CUX1: variants seen among roughly 807,000 people sequenced by gnomAD.
CUX1 encodes protein CASP.
A neutral mutation model predicts 158.8 loss-of-function variants in CUX1; 31 were observed. That is an observed-to-expected ratio of 0.20 (90% CI 0.15 to 0.26). CUX1 has a LOEUF of 0.26. Among genes scored for constraint, CUX1 ranks in the 10% least tolerant of loss-of-function variants. CUX1 has a pLI of 1.00. For synonymous variants in CUX1, 879 were observed against 862.1 expected, an observed-to-expected ratio of 1.02 and a Z score of -0.34; for missense variants, 1,589 against 2,014.6, an observed-to-expected ratio of 0.79 and a Z score of 4.04.
In CUX1 at chr7:102,104,618, G is replaced by A. The variant is rs188588495; in HGVS notation, c.530+159G>A. The stretch of plus-strand genomic sequence containing the variant: ...TTCAAAAATGATATTCTGGCTGGGT[G>A]TGGTGGCTCACGCCTGTAATCTCAG... On this transcript the variant is annotated intron_variant, in intron 6 of 23. Transcript: ENST00000292535. 4.8e-3 allele frequency among the ~76,000 whole-genome samples: 726 copies of A among 152,280 alleles called. 6 individuals carry two copies. Among genetic ancestry groups the A allele is most frequent in the African/African-American group, 0.017 (695 of 41,560 alleles).
intron 12 of CUX1, among the ~76,000 whole-genome samples, chr7:102,191,536 G>GT (rs1794275850): frequency 6.6e-6 from 1 of 151,990 alleles, no homozygotes; most frequent in South Asian, 2.1e-4. Flanking sequence ...ACATTACCTG[G>GT]TTAACCTTCT....
intron 2 of CUX1, among the ~76,000 whole-genome samples, chr7:101,917,253 C>T (rs904348837): frequency 6.6e-6 from 1 of 152,230 alleles, no homozygotes; most frequent in Non-Finnish European, 1.5e-5. Context: ...TAAAAGCGGA[C>T]TCATTTAAAA....
chr7:101,914,436 T>C (rs1448637092), intron 1 of CUX1, among the ~76,000 whole-genome samples: 1 of 120,764 alleles, frequency 8.3e-6, no homozygotes, highest in African/African-American at 3.2e-5. Flanking sequence ...CCCTCCGTCC[T>C]TCCCTCCCTC....
At chr7:102,178,133 C>G (rs2052909734) in intron 10 of CUX1, among the ~76,000 whole-genome samples, 1 of 152,206 alleles carries the variant, frequency 6.6e-6, no homozygotes, top group African/African-American at 2.4e-5. Context: ...ACCTCCTGAC[C>G]TAAGGTCATC....
intron 8 of CUX1, among the ~76,000 whole-genome samples, chr7:102,143,961 T>C (rs752703394): frequency 8.7e-4 from 133 of 152,150 alleles, no homozygotes; most frequent in Non-Finnish European, 1.3e-3. Flanking sequence ...TTTGTATTTT[T>C]AGTAGAGACG....
chr7:102,275,679 C>T (rs2132816928), intron 17 of CUX1, among the ~76,000 whole-genome samples: 1 of 152,172 alleles, frequency 6.6e-6, no homozygotes, highest in Middle Eastern at 3.4e-3. Context: ...GGGAGGGGCA[C>T]CAAGGAAGGA....
Position 102,239,401 on chromosome 7 carries a change from G to T in CUX1, c.3704G>T (p.Gly1235Val), listed in dbSNP as rs782238222. The change falls in exon 23 of 24, where the codon GGC (glycine) becomes GTC (valine). Residue 1235 changes from glycine to valine, a missense_variant. Gly to Val is a moderately radical substitution (Grantham distance 109). Coordinates refer to ENST00000292535, the MANE Select transcript of CUX1 (RefSeq NM_181552.4). ...TCTGTCGGCACCGAGTACAGCCAGG[G>T]CGCCAGCCCCCAGCCCCAGCACCAG... ...PPSVGTEYSQ[G>V]ASPQPQHQLK... 25 of 1,613,432 alleles carry T rather than the reference G, an allele frequency of 1.5e-5. No individual in the cohort carries two copies. In the African/African-American group the frequency reaches 2.8e-4, roughly 18 times the overall value.
chr7:101,976,452 A>T (rs1812694799), intron 2 of CUX1, among the ~76,000 whole-genome samples: 1 of 152,344 alleles, frequency 6.6e-6, no homozygotes. Context: ...AAAAATATGC[A>T]TAAGGAATTT....
intron 4 of CUX1, among the ~76,000 whole-genome samples, chr7:102,089,657 C>A (rs1322005206): frequency 2.0e-5 from 3 of 152,248 alleles, no homozygotes; most frequent in Admixed American, 2.0e-4. Context: ...CTCAGACTTT[C>A]CTTTCTATTC....
At chr7:101,936,594 G>A (rs1806971670) in intron 2 of CUX1, among the ~76,000 whole-genome samples, 2 of 152,192 alleles carry the variant, frequency 1.3e-5, no homozygotes, top group Non-Finnish European at 2.9e-5. Flanking sequence ...GGACAGAAGA[G>A]AGGAAAGCCC....
chr7:102,127,584 T>TG (rs11406024), intron 8 of CUX1, among the ~76,000 whole-genome samples: 36,203 of 151,544 alleles, frequency 0.24, 4,619 homozygotes, highest in Non-Finnish European at 0.29. Context: ...TTTTTGTTTT[T>TG]TTTTTTACCT....
Position 102,254,313 on chromosome 7 carries a change from C to A in CUX1, c.*5271C>A. On this transcript the variant is annotated 3_prime_UTR_variant, in exon 24 of 24. Transcript: ENST00000292535. ...GGACTGCCCCAAAGTTCCCAGCTGG[C>A]TTTGGGGAACACTGTAGCTCTTGGG... The A allele has an allele frequency of 7.1e-6, 7 of 985,524 alleles. No individual in the cohort carries two copies. The highest frequency in any genetic ancestry group is 8.4e-6 in the Non-Finnish European group (7 of 830,014). 61.0% of individuals were successfully genotyped at this position (985,524 alleles called of 1,614,324 possible). A position where few individuals can be genotyped will look rare whatever the true frequency, so the allele number is the denominator to read the frequency against.
chr7:101,817,508 C>A (rs1490268032), upstream of CUX1: 2 of 1,148,494 alleles, frequency 1.7e-6, no homozygotes, highest in Non-Finnish European at 2.1e-6. The surrounding 1 kb of genome is among the most constrained non-coding windows in gnomAD (Gnocchi z 4.1). Flanking sequence ...GCCCGAGTCG[C>A]CGCCGTGCCC....
At position 102,252,357 on chromosome 7, in the gene CUX1, A is replaced by G; in HGVS notation, c.*3315A>G. On this transcript the variant is annotated 3_prime_UTR_variant, in exon 24 of 24. Coordinates refer to ENST00000292535, the MANE Select transcript of CUX1 (RefSeq NM_181552.4). The stretch of plus-strand genomic sequence containing the variant: ...CATGGCTCCCCTTCAGCAGGCTGGC[A>G]TTCCAAGCAGTGGCCCCCGCAGGCA... 1.0e-6 allele frequency: 1 copy of G among 985,502 alleles called. No individual in the cohort carries two copies. Among genetic ancestry groups the G allele is most frequent in the African/African-American group, 1.7e-5 (1 of 57,356 alleles). The allele number at this position is 985,502 out of a possible 1,614,324, so 61.0% of individuals were successfully genotyped here.
intron 22 of CUX1, among the ~76,000 whole-genome samples, 179 bp downstream of exon 22, chr7:102,234,419 T>A (rs1232214287): frequency 3.3e-5 from 5 of 152,222 alleles, no homozygotes; most frequent in African/African-American, 1.2e-4. Flanking sequence ...GGCTGGAAAG[T>A]TGTGTAACTT....
chr7:102,252,917 G>A lies in CUX1; in HGVS notation c.*3875G>A, dbSNP rs1801665538. On this transcript the variant is annotated 3_prime_UTR_variant, in exon 24 of 24. Transcript: ENST00000292535. ...TGAGGCAGCTTCTAAGCGTCTCCTG[G>A]GACAGGATTGGGGTGACAGCCCAGG... 1 of 985,284 alleles carries A rather than the reference G, an allele frequency of 1.0e-6. No individual in the cohort carries two copies. The highest frequency in any genetic ancestry group is 1.2e-6 in the Non-Finnish European group (1 of 829,950). 61.0% of individuals were successfully genotyped at this position (985,284 alleles called of 1,614,324 possible). A position where few individuals can be genotyped will look rare whatever the true frequency, so the allele number is the denominator to read the frequency against.
At chr7:102,220,269 G>A (rs573547587) in intron 20 of CUX1, among the ~76,000 whole-genome samples, 50 of 152,320 alleles carry the variant, frequency 3.3e-4, no homozygotes, top group Non-Finnish European at 6.5e-4. Context: ...GCTGAGGCAG[G>A]AGAACTGCTT....
intron 1 of CUX1, among the ~76,000 whole-genome samples, chr7:101,861,433 A>C (rs796595726): frequency 5.9e-5 from 9 of 152,176 alleles, no homozygotes; most frequent in African/African-American, 2.2e-4. Flanking sequence ...TTTTTTCCCC[A>C]ATCTTTTGGA....
intron 9 of CUX1, among the ~76,000 whole-genome samples, chr7:102,159,886 C>G (rs1199682067): frequency 6.6e-6 from 1 of 150,814 alleles, no homozygotes; most frequent in East Asian, 2.0e-4. Flanking sequence ...TAAATTTTTA[C>G]TACCCAGCCT....
Sources: gnomAD v4.1 joint callset for allele counts (sites outside exome capture counted in the v4.1 genomes callset) on GRCh38, gnomAD v4.1.1 for gene constraint, Gnocchi (gnomAD v3.1) non-coding constraint, MANE v1.5 for transcripts, NCBI Gene and HGNC (gene_info 2026-07-23, HGNC 2026-07-21) for gene names.